Variants in ARHGAP18 observed in about 807,000 individuals in gnomAD.
ARHGAP18 encodes the protein Rho GTPase activating protein 18.
Under a neutral mutation model 86.2 loss-of-function variants are expected in ARHGAP18, and 67 were observed. That is an observed-to-expected ratio of 0.78 (90% confidence interval 0.64 to 0.95). The LOEUF is 0.95. ARHGAP18 is among the 40% of genes least tolerant of loss of function. The pLI is 0.00. For synonymous variants in ARHGAP18, 283 were observed against 280.4 expected (o/e 1.01, Z -0.09); for missense variants, 691 against 780.4 (o/e 0.89, Z 1.37).
intron 11 of ARHGAP18, 89 bp downstream of exon 11, chr6:129,600,549 TCACA>T: frequency 1.9e-6 from 2 of 1,066,676 alleles, no homozygotes; most frequent in South Asian, 3.5e-5. Flanking sequence ...TTTTCTGCAC[TCACA>T]AATTTTAAAT....
chr6:129,682,570 G>A (rs1210932074), intron 1 of ARHGAP18, among the ~76,000 whole-genome samples: 2 of 152,212 alleles, frequency 1.3e-5, no homozygotes, highest in Admixed American at 1.3e-4. Flanking sequence ...ATTAGTGTTA[G>A]TCGAATTCTA....
intron 8 of ARHGAP18, 44 bp from the exon 9 acceptor site, chr6:129,608,096 A>G (rs765110406): frequency 2.0e-5 from 31 of 1,521,278 alleles, no homozygotes; most frequent in Non-Finnish European, 2.6e-5. Flanking sequence ...AGAAGCAGCT[A>G]GAAGTGCATT....
At chr6:129,673,176 A>G (rs1774169569) in intron 1 of ARHGAP18, among the ~76,000 whole-genome samples, 1 of 152,200 alleles carries the variant, frequency 6.6e-6, no homozygotes, top group Admixed American at 6.5e-5. Flanking sequence ...ATGCTTCACA[A>G]TGTCCTTCAT....
chr6:129,658,312 A>G (rs756348996), intron 1 of ARHGAP18, among the ~76,000 whole-genome samples: 1 of 152,206 alleles, frequency 6.6e-6, no homozygotes, highest in Non-Finnish European at 1.5e-5. Context: ...CCTCAACCAC[A>G]GAATCTTTGT....
At chr6:129,635,470 C>T (rs1773313141) in intron 3 of ARHGAP18, among the ~76,000 whole-genome samples, 1 of 152,224 alleles carries the variant, frequency 6.6e-6, no homozygotes, top group Admixed American at 6.5e-5. Context: ...ATTCTCCTTC[C>T]CTCCTCCCAC....
At chr6:129,664,988 T>G (rs1774012482) in intron 1 of ARHGAP18, among the ~76,000 whole-genome samples, 1 of 152,154 alleles carries the variant, frequency 6.6e-6, no homozygotes, top group South Asian at 2.1e-4. Flanking sequence ...GTATAGACTG[T>G]TCTAGGTGAA....
chr6:129,648,553 C>T (rs994756265), intron 1 of ARHGAP18, among the ~76,000 whole-genome samples: 2 of 151,730 alleles, frequency 1.3e-5, no homozygotes, highest in African/African-American at 4.8e-5. Flanking sequence ...GGGAAGAGTG[C>T]TTGAGCCCAG....
chr6:129,654,754 G>A (rs978121832), intron 1 of ARHGAP18, among the ~76,000 whole-genome samples: 7 of 152,020 alleles, frequency 4.6e-5, no homozygotes, highest in Admixed American at 1.3e-4. Context: ...TTTTCCCATC[G>A]CTACACACCT....
At chr6:129,639,327 A>G (rs1584077794) in intron 2 of ARHGAP18, among the ~76,000 whole-genome samples, 1 of 152,236 alleles carries the variant, frequency 6.6e-6, no homozygotes, top group African/African-American at 2.4e-5. Flanking sequence ...GTTATTTAAA[A>G]GCAGAAGGAT....
chr6:129,578,730 G>A (rs891724087), intron 14 of ARHGAP18, 126 bp from the exon 15 acceptor site: 39 of 655,906 alleles, frequency 5.9e-5, no homozygotes, highest in Non-Finnish European at 2.7e-5. Flanking sequence ...TTGGGAGGCC[G>A]AGGTGGGCAG....
At chr6:129,633,678 G>C (rs1233382233) in intron 4 of ARHGAP18, among the ~76,000 whole-genome samples, 1 of 152,126 alleles carries the variant, frequency 6.6e-6, no homozygotes, top group Non-Finnish European at 1.5e-5. Flanking sequence ...TGTTGCATTG[G>C]AAAGTGGCTT....
intron 1 of ARHGAP18, among the ~76,000 whole-genome samples, chr6:129,658,492 T>C (rs1347087196): frequency 1.3e-5 from 2 of 151,288 alleles, no homozygotes; most frequent in African/African-American, 4.9e-5. Context: ...AAGCAGAAGG[T>C]ATCAATGATG....
At chr6:129,625,504 T>TTTATA (rs1284545743) in intron 5 of ARHGAP18, among the ~76,000 whole-genome samples, 4 of 46,246 alleles carry the variant, frequency 8.6e-5, no homozygotes, top group East Asian at 6.0e-4. Flanking sequence ...TAATATATAT[T>TTTATA]TTATATATCA....
intron 1 of ARHGAP18, among the ~76,000 whole-genome samples, chr6:129,643,637 GT>G (rs752042036): frequency 6.6e-6 from 1 of 151,790 alleles, no homozygotes; most frequent in Non-Finnish European, 1.5e-5. Flanking sequence ...TTGAATAACT[GT>G]TTTGCTATTC....
intron 12 of ARHGAP18, among the ~76,000 whole-genome samples, chr6:129,595,446 T>C (rs1323072364): frequency 1.3e-5 from 2 of 152,210 alleles, no homozygotes; most frequent in Admixed American, 6.5e-5. Context: ...ATGTTCATGC[T>C]ATTACTCTCT....
At chr6:129,618,574 G>A in intron 6 of ARHGAP18, 113 bp downstream of exon 6, 1 of 965,432 alleles carries the variant, frequency 1.0e-6, no homozygotes, top group Non-Finnish European at 1.5e-6. Flanking sequence ...ATGTATTCAA[G>A]TGTTGGTTTA....
At chr6:129,583,675 T>G (rs1016793851) in intron 13 of ARHGAP18, among the ~76,000 whole-genome samples, 1 of 152,148 alleles carries the variant, frequency 6.6e-6, no homozygotes, top group Non-Finnish European at 1.5e-5. Context: ...CCAATCAACA[T>G]ATCCTGGAAA....
chr6:129,700,327 T>G (rs1774690427), intron 1 of ARHGAP18, among the ~76,000 whole-genome samples: 1 of 152,234 alleles, frequency 6.6e-6, no homozygotes, highest in Non-Finnish European at 1.5e-5. Context: ...ATTTTCCATC[T>G]TATTAAGAGT....
At chr6:129,686,786 ACC>A (rs1433161019) in intron 1 of ARHGAP18, among the ~76,000 whole-genome samples, 73 of 127,568 alleles carry the variant, frequency 5.7e-4, no homozygotes, top group African/African-American at 1.9e-3. Context: ...CCCTAATAAA[ACC>A]TTTTTTTTTT....
Sources: gnomAD v4.1 joint callset for allele counts (sites outside exome capture counted in the v4.1 genomes callset) on GRCh38, gnomAD v4.1.1 for gene constraint, MANE v1.5 for transcripts, NCBI Gene and HGNC (gene_info 2026-07-23, HGNC 2026-07-21) for gene names.